AGFG1: variants seen among roughly 807,000 people sequenced by gnomAD.
The protein encoded by AGFG1 is ArfGAP with FG repeats 1, also known as arf-GAP domain and FG repeat-containing protein 1.
Under a neutral mutation model 60.6 loss-of-function variants are expected in AGFG1, and 10 were observed. That is an observed-to-expected ratio of 0.16 (90% confidence interval 0.10 to 0.28). The LOEUF (loss-of-function observed/expected upper bound fraction) is 0.28. Among genes scored for constraint, AGFG1 ranks in the 10% least tolerant of loss-of-function variants. The pLI is 1.00. For missense variants in AGFG1, 537 were observed against 676.5 expected (o/e 0.79, Z 2.29); for synonymous variants, 247 against 242.9 (o/e 1.02, Z -0.16).
chr2:227,560,885 A>G lies in AGFG1; in HGVS notation c.*6390A>G, dbSNP rs957144783. ...TGCAAAAGTTTATTTTCAATGAAGA[A>G]TACTTGTCCTAATAGCTCATAAAAA... is the stretch of plus-strand genomic sequence containing the variant. On this transcript the variant is annotated 3_prime_UTR_variant, in exon 13 of 13. Coordinates refer to ENST00000310078, the MANE Select transcript of AGFG1 (RefSeq NM_004504.5). The G allele has an allele frequency of 1.3e-5, 2 of 152,184 alleles. No individual in the cohort carries two copies. The highest frequency in any genetic ancestry group is 2.9e-5 in the Non-Finnish European group (2 of 68,012). 9.4% of individuals were successfully genotyped at this position (152,184 alleles called of 1,614,324 possible).
chr2:227,514,578 T>C (rs114730987), intron 2 of AGFG1, among the ~76,000 whole-genome samples: 2,092 of 152,286 alleles, frequency 0.014, 48 homozygotes, highest in African/African-American at 0.048. Context: ...CCCTATGAAA[T>C]AGGTTATATT....
intron 1 of AGFG1, 138 bp from the exon 2 acceptor site, chr2:227,491,409 T>G (rs989481696): frequency 5.9e-6 from 3 of 508,802 alleles, no homozygotes; most frequent in African/African-American, 4.0e-5. Context: ...TAAAATAATT[T>G]AAAAATACTT....
intron 10 of AGFG1, among the ~76,000 whole-genome samples, chr2:227,545,929 A>G (rs1226163220): frequency 1.3e-5 from 2 of 152,170 alleles, no homozygotes; most frequent in East Asian, 3.9e-4. Context: ...CAGTTAGGCT[A>G]CTGCGGGGGT....
At chr2:227,511,585 T>TA (rs1691498979) in intron 2 of AGFG1, among the ~76,000 whole-genome samples, 2 of 152,174 alleles carry the variant, frequency 1.3e-5, no homozygotes, top group Admixed American at 1.3e-4. Flanking sequence ...TATTTCTACC[T>TA]AAATAAGTTG....
chr2:227,555,993 A>G lies in AGFG1; in HGVS notation c.*1498A>G, dbSNP rs1352774493. ...GGAGACTGAAAAACACTCTGAGAGC[A>G]TACACTGTCCAAGGCCATTAGTGTA... On this transcript the variant is annotated 3_prime_UTR_variant, in exon 13 of 13. Transcript: ENST00000310078. 6.6e-6 allele frequency: 1 copy of G among 152,242 alleles called. No homozygotes were observed. Among genetic ancestry groups the G allele is most frequent in the Non-Finnish European group, 1.5e-5 (1 of 68,054 alleles). The allele number at this position is 152,242 out of a possible 1,614,324, so 9.4% of individuals were successfully genotyped here.
At chr2:227,538,650 G>C (rs1692383830) in intron 10 of AGFG1, among the ~76,000 whole-genome samples, 2 of 152,128 alleles carry the variant, frequency 1.3e-5, no homozygotes, top group South Asian at 4.1e-4. Context: ...CATTTACCCT[G>C]TATGGTCTTT....
chr2:227,498,403 T>C (rs1247919654), intron 2 of AGFG1, among the ~76,000 whole-genome samples: 1 of 152,194 alleles, frequency 6.6e-6, no homozygotes, highest in Non-Finnish European at 1.5e-5. Context: ...AGGGAATAGC[T>C]TCCTAGAGGG....
At chr2:227,518,079 T>G (rs1369366093) in intron 2 of AGFG1, among the ~76,000 whole-genome samples, 1 of 152,070 alleles carries the variant, frequency 6.6e-6, no homozygotes, top group Non-Finnish European at 1.5e-5. Flanking sequence ...GGTGGGGGGG[T>G]GCACATGTTT....
intron 10 of AGFG1, among the ~76,000 whole-genome samples, chr2:227,540,121 C>T (rs1458620938): frequency 1.3e-5 from 2 of 151,960 alleles, no homozygotes; most frequent in Non-Finnish European, 1.5e-5. Context: ...CAGGTGTGAG[C>T]GACTGCACTT....
intron 1 of AGFG1, among the ~76,000 whole-genome samples, chr2:227,473,201 A>G (rs1304592437): frequency 1.3e-5 from 2 of 152,194 alleles, no homozygotes; most frequent in African/African-American, 2.4e-5. Flanking sequence ...TAGCAGGATG[A>G]AAGCATCTTG....
At chr2:227,537,283 G>A (rs1692343055) in intron 10 of AGFG1, among the ~76,000 whole-genome samples, 1 of 152,198 alleles carries the variant, frequency 6.6e-6, no homozygotes, top group South Asian at 2.1e-4. Context: ...GAACGTTTAT[G>A]ACAGAGATAG....
intron 2 of AGFG1, among the ~76,000 whole-genome samples, chr2:227,499,716 A>C (rs767667010): frequency 3.3e-5 from 5 of 151,992 alleles, no homozygotes; most frequent in African/African-American, 7.3e-5. Flanking sequence ...ATTGGACTGG[A>C]ATGGACCTGT....
At chr2:227,495,666 G>C (rs1690950592) in intron 2 of AGFG1, among the ~76,000 whole-genome samples, 1 of 152,112 alleles carries the variant, frequency 6.6e-6, no homozygotes, top group Admixed American at 6.5e-5. Flanking sequence ...AAAGTTAACG[G>C]AAGGTGGACT....
intron 2 of AGFG1, among the ~76,000 whole-genome samples, chr2:227,513,840 T>C (rs912997548): frequency 4.6e-5 from 7 of 152,260 alleles, no homozygotes; most frequent in Admixed American, 4.6e-4. Flanking sequence ...GGTGTGATTT[T>C]ATTTTTAGTT....
chr2:227,536,752 T>C (rs1692326982), intron 9 of AGFG1, 48 bp downstream of exon 9: 1 of 1,593,288 alleles, frequency 6.3e-7, no homozygotes. Flanking sequence ...AACCCAAATA[T>C]ATATTGTGTA....
At position 227,554,492 on chromosome 2, in the gene AGFG1, A is replaced by G. The variant is rs768960377; in HGVS notation, c.1686A>G (p.Leu562=). 15 of 1,612,552 alleles carry G rather than the reference A, an allele frequency of 9.3e-6. No individual in the cohort carries two copies. In the South Asian group the frequency reaches 1.3e-4, roughly 14 times the overall value. The change falls in exon 13 of 13, where the codon TTA becomes TTG. Residue 562 remains leucine (L), a synonymous_variant. Coordinates refer to ENST00000310078, the MANE Select transcript of AGFG1 (RefSeq NM_004504.5). ...PTGSSSTNPF[L] ...GAAGCTCATCAACCAATCCTTTCTT[A>G]TAGCCTTATATAGACAATTTACTGG...
chr2:227,479,954 A>G (rs888069617), intron 1 of AGFG1, among the ~76,000 whole-genome samples: 3 of 152,222 alleles, frequency 2.0e-5, no homozygotes, highest in Non-Finnish European at 2.9e-5. Flanking sequence ...GTTAGAACAT[A>G]CTTTGCTCAA....
intron 8 of AGFG1, 36 bp downstream of exon 8, chr2:227,535,061 T>G (rs1405217803): frequency 1.4e-6 from 2 of 1,450,490 alleles, no homozygotes; most frequent in Non-Finnish European, 1.8e-6. Flanking sequence ...GCTTTGTGTT[T>G]TATCTTTTTT....
At chr2:227,494,028 A>G (rs1483169758) in intron 2 of AGFG1, among the ~76,000 whole-genome samples, 3 of 151,566 alleles carry the variant, frequency 2.0e-5, no homozygotes, top group Non-Finnish European at 4.4e-5. Flanking sequence ...TAGGAAATAT[A>G]CTAACCTTGT....
Sources: allele counts gnomAD v4.1 joint callset (sites outside exome capture counted in the v4.1 genomes callset), GRCh38; gene constraint gnomAD v4.1.1; transcripts MANE v1.5; gene names NCBI Gene and HGNC (gene_info 2026-07-23, HGNC 2026-07-21).